Variants in RALGAPA1 observed in about 807,000 individuals in gnomAD.
RALGAPA1 encodes ral GTPase-activating protein subunit alpha-1.
Under a neutral mutation model 269.6 loss-of-function variants are expected in RALGAPA1, and 52 were observed. The observed-to-expected ratio is 0.19, with a 90% CI of 0.15 to 0.24. The LOEUF (loss-of-function observed/expected upper bound fraction) is 0.24, where lower values mean the gene tolerates loss of function less well. RALGAPA1 is among the 10% of genes least tolerant of loss of function. The pLI, the probability that RALGAPA1 is intolerant of heterozygous loss-of-function variation, is 1.00. For missense variants in RALGAPA1, 1,917 were observed against 3,013.9 expected (o/e 0.64, Z 8.52); for synonymous variants, 817 against 1,008.3 (o/e 0.81, Z 3.60).
chr14:35,651,716 C>T (rs1486107332), intron 31 of RALGAPA1, 89 bp downstream of exon 31: 1 of 1,160,996 alleles, frequency 8.6e-7, no homozygotes, highest in Non-Finnish European at 1.2e-6. Context: ...TAAATTTTTA[C>T]CATGTAAATA....
At chr14:35,620,545 T>A (rs1199178743) in intron 35 of RALGAPA1, among the ~76,000 whole-genome samples, 1 of 152,084 alleles carries the variant, frequency 6.6e-6, no homozygotes, top group Admixed American at 6.6e-5. Flanking sequence ...TAAAGGGTAT[T>A]CAATTAGGAA....
Position 35,721,911 on chromosome 14 carries a change from T to C in RALGAPA1, c.2105-62A>G, listed in dbSNP as rs1050502150. 11 of 1,396,542 alleles carry C rather than the reference T, an allele frequency of 7.9e-6. No individual in the cohort carries two copies. The South Asian group carries it at 1.3e-4, about 17-fold the overall frequency. The allele number at this position is 1,396,542 out of a possible 1,614,324, so 86.5% of individuals were successfully genotyped here. On this transcript the variant is annotated intron_variant, in intron 15 of 41. Coordinates refer to ENST00000680220, the MANE Select transcript of RALGAPA1 (RefSeq NM_001346249.2). ...CTTGATCAATAATATCTTCAAGTTATGCGTGCTACCTTGCCTCAGAGTCTT... is the reference window on the plus strand; with the variant it reads ...CTTGATCAATAATATCTTCAAGTTACGCGTGCTACCTTGCCTCAGAGTCTT...
At chr14:35,577,021 A>T (rs995594468) in intron 37 of RALGAPA1, among the ~76,000 whole-genome samples, 2 of 152,230 alleles carry the variant, frequency 1.3e-5, no homozygotes, top group African/African-American at 4.8e-5. Flanking sequence ...TCCCTAATCT[A>T]GTAATCCTAT....
intron 35 of RALGAPA1, among the ~76,000 whole-genome samples, chr14:35,608,586 A>C (rs2059727857): frequency 6.6e-6 from 1 of 152,218 alleles, no homozygotes; most frequent in South Asian, 2.1e-4. Flanking sequence ...TTAGAACAAA[A>C]AATGTTAGAG....
intron 36 of RALGAPA1, among the ~76,000 whole-genome samples, chr14:35,598,352 C>T (rs1046977179): frequency 1.4e-4 from 21 of 151,630 alleles, no homozygotes; most frequent in Non-Finnish European, 8.8e-5. Context: ...TTGATGTTTG[C>T]ACAATATAAC....
chr14:35,639,497 A>G (rs189760281), intron 31 of RALGAPA1, among the ~76,000 whole-genome samples: 2 of 152,346 alleles, frequency 1.3e-5, no homozygotes, highest in Admixed American at 6.5e-5. Flanking sequence ...GTAACATTCT[A>G]AAGGACAGAC....
rs528240053 is a variant in RALGAPA1, at chr14:35,782,350, ATGAG to A, written c.107-6609_107-6606del. Among the ~76,000 whole-genome samples the A allele has an allele frequency of 2.3e-3, 350 of 152,360 alleles. 1 individual carries two copies. The highest frequency in any genetic ancestry group is 8.1e-3 in the African/African-American group (335 of 41,596). On this transcript the variant is annotated intron_variant, in intron 1 of 41. Coordinates refer to ENST00000680220, the MANE Select transcript of RALGAPA1 (RefSeq NM_001346249.2). ...AAACAAATGGAGACATTCTGTGTTC[ATGAG>A]TAAGACTGAATGCTGTTAAGATAGC...
intron 4 of RALGAPA1, among the ~76,000 whole-genome samples, chr14:35,767,547 G>T (rs142617597): frequency 0.011 from 1,627 of 152,096 alleles, 33 homozygotes; most frequent in African/African-American, 0.037. Context: ...TTAGCCGGGC[G>T]TGGTGGCATG....
At chr14:35,768,991 AGGG>A in intron 4 of RALGAPA1, among the ~76,000 whole-genome samples, 1 of 124,420 alleles carries the variant, frequency 8.0e-6, no homozygotes, top group Non-Finnish European at 1.6e-5. Flanking sequence ...CTGGGCAACA[AGGG>A]CGAAACTCCG....
chr14:35,753,091 C>A (rs1254278669), intron 7 of RALGAPA1, among the ~76,000 whole-genome samples: 1 of 152,122 alleles, frequency 6.6e-6, no homozygotes, highest in Non-Finnish European at 1.5e-5. Context: ...AGAGAAGCAG[C>A]AGATTCCAGA....
intron 17 of RALGAPA1, among the ~76,000 whole-genome samples, chr14:35,695,347 T>C (rs1284774028): frequency 1.3e-5 from 2 of 152,170 alleles, no homozygotes; most frequent in Non-Finnish European, 2.9e-5. Context: ...TTCTTGATTG[T>C]ATAAAGAAGG....
At chr14:35,685,258 G>A in intron 19 of RALGAPA1, 113 bp from the exon 20 acceptor site, 5 of 927,814 alleles carry the variant, frequency 5.4e-6, no homozygotes, top group Non-Finnish European at 8.0e-6. Flanking sequence ...AGAGGCTGAA[G>A]TAGGAGTGGA....
chr14:35,767,547 G>A (rs142617597), intron 4 of RALGAPA1, among the ~76,000 whole-genome samples: 12 of 152,108 alleles, frequency 7.9e-5, no homozygotes, highest in East Asian at 1.9e-4. Flanking sequence ...TTAGCCGGGC[G>A]TGGTGGCATG....
chr14:35,657,689 AT>A (rs34883632), intron 28 of RALGAPA1, among the ~76,000 whole-genome samples: 179 of 145,252 alleles, frequency 1.2e-3, no homozygotes, highest in Middle Eastern at 3.5e-3. Context: ...ATATATATAT[AT>A]TTTTTTTTTT....
intron 4 of RALGAPA1, among the ~76,000 whole-genome samples, chr14:35,763,240 T>C (rs1289435272): frequency 6.6e-6 from 1 of 152,138 alleles, no homozygotes; most frequent in Admixed American, 6.6e-5. Context: ...TATAATAAAA[T>C]ACTGAAAATA....
intron 27 of RALGAPA1, among the ~76,000 whole-genome samples, chr14:35,664,196 A>G (rs2063755647): frequency 6.6e-6 from 1 of 152,306 alleles, no homozygotes; most frequent in African/African-American, 2.4e-5. Flanking sequence ...CCTCTGGTAC[A>G]TGGGATCTCC....
intron 31 of RALGAPA1, among the ~76,000 whole-genome samples, chr14:35,636,065 C>T (rs1033466133): frequency 3.3e-5 from 5 of 150,348 alleles, no homozygotes; most frequent in Non-Finnish European, 4.4e-5. Flanking sequence ...ATCCACTGAA[C>T]ACGCTTTTTT....
chr14:35,754,901 T>C (rs947100565), intron 7 of RALGAPA1, among the ~76,000 whole-genome samples: 1 of 151,888 alleles, frequency 6.6e-6, no homozygotes, highest in Non-Finnish European at 1.5e-5. Context: ...CTCAAAATAA[T>C]CAAACAGAAA....
chr14:35,705,820 T>G (rs751397796), intron 16 of RALGAPA1, among the ~76,000 whole-genome samples: 10 of 152,182 alleles, frequency 6.6e-5, no homozygotes, highest in Non-Finnish European at 1.3e-4. Flanking sequence ...GCATTTGGTG[T>G]TGTCAGTGTT....
Sources: allele counts gnomAD v4.1 joint callset (sites outside exome capture counted in the v4.1 genomes callset), GRCh38; gene constraint gnomAD v4.1.1; transcripts MANE v1.5; gene names NCBI Gene and HGNC (gene_info 2026-07-23, HGNC 2026-07-21).